The following WDR64 variants were observed in gnomAD, a reference collection of about 807,000 sequenced individuals.
The protein encoded by WDR64 is WD repeat domain 64.
Under a neutral mutation model 139.3 loss-of-function variants are expected in WDR64, and 112 were observed. The ratio of observed to expected loss-of-function variants is 0.80; its 90% CI spans 0.69 to 0.94. The LOEUF is 0.94. WDR64 is among the 40% of genes least tolerant of loss of function. The probability of loss-of-function intolerance (pLI) is 0.00; values close to 1 mark genes in which losing one functional copy is unlikely to be tolerated. For synonymous variants in WDR64, 444 were observed against 437.7 expected (o/e 1.01, Z -0.18); for missense variants, 1,206 against 1,293.1 (o/e 0.93, Z 1.03).
chr1:241,734,088 G>A (rs530441533), intron 10 of WDR64, among the ~76,000 whole-genome samples: 10 of 152,110 alleles, frequency 6.6e-5, no homozygotes, highest in Non-Finnish European at 1.5e-4. Flanking sequence ...TCATCCCTCT[G>A]CTCACTGAGA....
At chr1:241,683,401 A>T in intron 6 of WDR64, 86 bp from the exon 7 acceptor site, 1 of 1,322,366 alleles carries the variant, frequency 7.6e-7, no homozygotes, top group Non-Finnish European at 1.0e-6. Context: ...AAACAGCGGA[A>T]AGTGAAATTT....
intron 1 of WDR64, 108 bp downstream of exon 1, chr1:241,652,737 G>C: frequency 7.5e-7 from 1 of 1,331,128 alleles, no homozygotes; most frequent in Non-Finnish European, 1.0e-6. Context: ...AAGAATGGGT[G>C]CTGAAAGGGG....
At position 241,741,570 on chromosome 1, in the gene WDR64, AG is replaced by A; in HGVS notation, c.1378del (p.Val460PhefsTer29). Reference sequence around the variant, plus strand: ...ACTAGGATGATACAAGATACAAAACAGGTTCCTCACACTCATGAACGAGAAA... The same window carrying A: ...ACTAGGATGATACAAGATACAAAACAGTTCCTCACACTCATGAACGAGAAA... ...PLTRMIQDTK[Q>X]VPHTHEREIN... On this transcript the variant is annotated frameshift_variant, in exon 12 of 28. Coordinates refer to ENST00000437684, the MANE Select transcript of WDR64 (RefSeq NM_001367482.1). LOFTEE classifies it high-confidence loss of function. 1.2e-6 allele frequency: 2 copies of A among 1,613,628 alleles called. No individual in the cohort carries two copies. The highest frequency in any genetic ancestry group is 1.7e-6 in the Non-Finnish European group (2 of 1,179,836).
chr1:241,663,585 G>A (rs1207577340), intron 2 of WDR64, among the ~76,000 whole-genome samples: 1 of 152,242 alleles, frequency 6.6e-6, no homozygotes, highest in Non-Finnish European at 1.5e-5. Context: ...TAGTTTAAAA[G>A]CATTGTTATG....
chr1:241,752,431 T>C (rs939472886), intron 14 of WDR64, among the ~76,000 whole-genome samples: 20 of 152,198 alleles, frequency 1.3e-4, no homozygotes, highest in African/African-American at 4.8e-4. Flanking sequence ...CTTGGTAAAA[T>C]TGAATGTTGG....
intron 1 of WDR64, among the ~76,000 whole-genome samples, chr1:241,657,290 G>A (rs544960887): frequency 1.6e-4 from 25 of 152,082 alleles, no homozygotes; most frequent in African/African-American, 3.9e-4. Context: ...CTAGTTTTAC[G>A]TCTTTCCATC....
intron 14 of WDR64, among the ~76,000 whole-genome samples, chr1:241,751,585 G>A (rs1669983825): frequency 6.6e-6 from 1 of 152,154 alleles, no homozygotes; most frequent in Non-Finnish European, 1.5e-5. Context: ...GCTGAGAAGG[G>A]TCTCCAAAGT....
intron 27 of WDR64, among the ~76,000 whole-genome samples, chr1:241,797,848 C>T (rs551611813): frequency 7.9e-5 from 12 of 151,502 alleles, no homozygotes; most frequent in Admixed American, 2.6e-4. Flanking sequence ...TTTTTCTGCA[C>T]GACTCTGTGC....
chr1:241,676,750 T>G (rs1666572953), intron 4 of WDR64, among the ~76,000 whole-genome samples: 1 of 151,308 alleles, frequency 6.6e-6, no homozygotes. Flanking sequence ...TAATGGTTTT[T>G]TTTTTTTTTT....
intron 8 of WDR64, among the ~76,000 whole-genome samples, chr1:241,699,149 G>T (rs950397843): frequency 6.6e-6 from 1 of 152,148 alleles, no homozygotes; most frequent in African/African-American, 2.4e-5. Context: ...TACAATTCAA[G>T]ATGAGATTTG....
At chr1:241,758,300 T>C (rs1452884457) in intron 15 of WDR64, among the ~76,000 whole-genome samples, 10 of 144,166 alleles carry the variant, frequency 6.9e-5, no homozygotes, top group East Asian at 2.0e-4. Context: ...AAGATTCTCA[T>C]AATGACCAGT....
chr1:241,665,651 A>G (rs1558460826), intron 2 of WDR64, among the ~76,000 whole-genome samples: 1 of 152,188 alleles, frequency 6.6e-6, no homozygotes, highest in East Asian at 1.9e-4. Flanking sequence ...TTCAATTTAT[A>G]ATGAAAAAAA....
At chr1:241,662,440 G>A (rs147478139) in intron 2 of WDR64, among the ~76,000 whole-genome samples, 1 of 152,108 alleles carries the variant, frequency 6.6e-6, no homozygotes. Flanking sequence ...GGCTGCAAGC[G>A]TCCCTCTTGT....
rs79561900 is a variant in WDR64 at position 241,733,203 on chromosome 1, G to A, written c.1195-5160G>A. Among the ~76,000 whole-genome samples, 626 of 152,110 alleles carry A rather than the reference G, an allele frequency of 4.1e-3. 8 individuals are homozygous for A. The highest frequency in any genetic ancestry group is 0.014 in the African/African-American group (575 of 41,514). On this transcript the variant is annotated intron_variant, in intron 10 of 27. Coordinates refer to ENST00000437684, the MANE Select transcript of WDR64 (RefSeq NM_001367482.1). ...CTGAAAATCATTATTGGCCAGGCAC[G>A]GTGGCTCACACCTGTAATCCCAGCA...
rs199635140 is a variant in WDR64 at position 241,656,870 on chromosome 1, TTGTG to T, written c.146-3622_146-3619del. Among the ~76,000 whole-genome samples, 4,096 of 86,596 alleles carry T rather than the reference TTGTG, an allele frequency of 0.047. 125 individuals are homozygous for T. Among genetic ancestry groups the T allele is most frequent in the East Asian group, 0.19 (669 of 3,466 alleles). 56.8% of individuals were successfully genotyped at this position (86,596 alleles called of 152,430 possible). A position where few individuals can be genotyped will look rare whatever the true frequency, so the allele number is the denominator to read the frequency against. On this transcript the variant is annotated intron_variant, in intron 1 of 27. Coordinates refer to ENST00000437684, the MANE Select transcript of WDR64 (RefSeq NM_001367482.1). This position sits in a 1 kb window ranked among gnomAD's most constrained non-coding sequence, Gnocchi z 4.3. ...AAATGTCTCAAGTCTTTGCCAAATG[TTGTG>T]TGTGTGTGTGTGTGTGTGTGTGTGT...
intron 15 of WDR64, 103 bp from the exon 16 acceptor site, chr1:241,766,115 C>T (rs1658154247): frequency 1.9e-6 from 2 of 1,041,986 alleles, no homozygotes; most frequent in African/African-American, 1.6e-5. Context: ...TATAATAAGG[C>T]ATTTTGTTTT....
intron 8 of WDR64, among the ~76,000 whole-genome samples, chr1:241,705,546 A>AACATAAAT (rs1667911754): frequency 7.7e-6 from 1 of 130,496 alleles, no homozygotes; most frequent in Admixed American, 7.9e-5. Context: ...TGTCTCTAAA[A>AACATAAAT]AAATAAATAA....
At chr1:241,722,025 C>CTGTG (rs34135566) in intron 9 of WDR64, among the ~76,000 whole-genome samples, 46 of 150,882 alleles carry the variant, frequency 3.0e-4, no homozygotes, top group East Asian at 2.1e-3. Flanking sequence ...TTTCATAAAA[C>CTGTG]TGTGTGTGTG....
Position 241,771,945 on chromosome 1 carries a change from CATATATATATATATATATATATATAT to C in WDR64, c.2290+267_2290+292del, listed in dbSNP as rs57383177. ...ATACATACATATACATACATACATA[CATATATATATATATATATATATATAT>C]ATATATATATATATATATTCTTTTT... On this transcript the variant is annotated intron_variant, in intron 19 of 27. Coordinates refer to ENST00000437684, the MANE Select transcript of WDR64 (RefSeq NM_001367482.1). Among the ~76,000 whole-genome samples, 25 of 62,366 alleles carry C rather than the reference CATATATATATATATATATATATATAT, an allele frequency of 4.0e-4. 1 individual carries two copies. The highest frequency in any genetic ancestry group is 1.0e-3 in the African/African-American group (11 of 10,916). 40.9% of individuals were successfully genotyped at this position (62,366 alleles called of 152,430 possible).
Sources: allele counts gnomAD v4.1 joint callset (sites outside exome capture counted in the v4.1 genomes callset), GRCh38; gene constraint gnomAD v4.1.1; non-coding constraint Gnocchi (gnomAD v3.1); transcripts MANE v1.5; gene names NCBI Gene and HGNC (gene_info 2026-07-23, HGNC 2026-07-21).